DLG2: variants seen among roughly 807,000 people sequenced by gnomAD.
DLG2 encodes the protein discs large MAGUK scaffold protein 2, also known as disks large homolog 2.
A neutral mutation model predicts 132.5 loss-of-function variants in DLG2; 45 were observed. The ratio of observed to expected loss-of-function variants is 0.34; its 90% confidence interval spans 0.27 to 0.44. The LOEUF (loss-of-function observed/expected upper bound fraction) is 0.44. Ranked by LOEUF, DLG2 falls within the 20% of genes least tolerant of loss-of-function variation. The pLI, the probability that DLG2 is intolerant of heterozygous loss-of-function variation, is 1.00. For synonymous variants in DLG2, 424 were observed against 419.6 expected (o/e 1.01, Z -0.13); for missense variants, 1,045 against 1,196.9 (o/e 0.87, Z 1.87).
At chr11:84,431,079 T>C (rs1567615871) in intron 7 of DLG2, among the ~76,000 whole-genome samples, 2 of 152,348 alleles carry the variant, frequency 1.3e-5, no homozygotes, top group African/African-American at 4.8e-5. Context: ...TACTTATGCC[T>C]GAGATAAATT....
At chr11:84,659,996 G>A (rs1196493835) in intron 6 of DLG2, among the ~76,000 whole-genome samples, 1 of 152,128 alleles carries the variant, frequency 6.6e-6, no homozygotes. Flanking sequence ...TGGCATTGAT[G>A]TCTGACAACA....
intron 6 of DLG2, among the ~76,000 whole-genome samples, chr11:84,714,125 T>C (rs2060742795): frequency 6.6e-6 from 1 of 152,096 alleles, no homozygotes; most frequent in South Asian, 2.1e-4. Flanking sequence ...AGTTTGTTTT[T>C]TGAATTTCTG....
At chr11:84,768,049 A>C (rs2068688285) in intron 6 of DLG2, among the ~76,000 whole-genome samples, 1 of 152,190 alleles carries the variant, frequency 6.6e-6, no homozygotes, top group Admixed American at 6.6e-5. Context: ...ACATCTCAGC[A>C]ATGTTATGCT....
At chr11:84,137,456 G>T (rs367911649) in intron 9 of DLG2, among the ~76,000 whole-genome samples, 1 of 151,494 alleles carries the variant, frequency 6.6e-6, no homozygotes, top group Admixed American at 6.6e-5. Context: ...GTGTGTGTAT[G>T]TGTGTGCGTG....
intron 6 of DLG2, among the ~76,000 whole-genome samples, chr11:84,628,735 T>G (rs746912798): frequency 6.6e-6 from 1 of 152,122 alleles, no homozygotes; most frequent in Non-Finnish European, 1.5e-5. Flanking sequence ...ACTTGGTGGG[T>G]TGGAGACAAA....
At chr11:83,937,121 G>A (rs1343926318) in intron 14 of DLG2, among the ~76,000 whole-genome samples, 1 of 152,068 alleles carries the variant, frequency 6.6e-6, no homozygotes, top group African/African-American at 2.4e-5. Context: ...CAAAATGTCA[G>A]GTTAGTAGTT....
chr11:84,508,400 C>CTTT (rs371285075), intron 7 of DLG2, among the ~76,000 whole-genome samples: 14 of 141,092 alleles, frequency 9.9e-5, no homozygotes, highest in African/African-American at 2.9e-4. Context: ...CTTTCTTTAC[C>CTTT]TTTTTTTTTT....
At chr11:83,581,498 A>T (rs1054177559) in intron 19 of DLG2, among the ~76,000 whole-genome samples, 4 of 152,202 alleles carry the variant, frequency 2.6e-5, no homozygotes, top group Non-Finnish European at 5.9e-5. Context: ...CTCAAAAAAA[A>T]ATACATTCTT....
At chr11:84,441,458 C>A (rs72961662) in intron 7 of DLG2, among the ~76,000 whole-genome samples, 1 of 151,920 alleles carries the variant, frequency 6.6e-6, no homozygotes, top group Non-Finnish European at 1.5e-5. Flanking sequence ...ATATATAGTA[C>A]GTAGAATATT....
intron 7 of DLG2, among the ~76,000 whole-genome samples, chr11:84,304,277 C>G (rs760629684): frequency 6.6e-6 from 1 of 152,136 alleles, no homozygotes; most frequent in African/African-American, 2.4e-5. Flanking sequence ...TCTGGGAATA[C>G]GAGGAATCTC....
chr11:84,697,588 G>A (rs1348507189), intron 6 of DLG2, among the ~76,000 whole-genome samples: 4 of 151,394 alleles, frequency 2.6e-5, no homozygotes, highest in South Asian at 2.1e-4. Flanking sequence ...ACTGAGCCAC[G>A]AAGTGTACCA....
intron 7 of DLG2, among the ~76,000 whole-genome samples, chr11:84,261,473 T>C (rs781773849): frequency 6.6e-6 from 1 of 152,210 alleles, no homozygotes; most frequent in Non-Finnish European, 1.5e-5. Context: ...AATCTATACA[T>C]CCTATTCCCC....
intron 3 of DLG2, among the ~76,000 whole-genome samples, chr11:85,462,640 G>A (rs575520020): frequency 5.1e-4 from 78 of 152,042 alleles, no homozygotes; most frequent in East Asian, 1.6e-3. Flanking sequence ...ATCACACACC[G>A]GGGCCTGTTG....
intron 4 of DLG2, among the ~76,000 whole-genome samples, chr11:85,242,559 T>C (rs1026853746): frequency 2.6e-5 from 4 of 151,850 alleles, no homozygotes; most frequent in Admixed American, 6.6e-5. Context: ...TCTCTATCTC[T>C]TTTCTGCTTC....
chr11:84,498,995 T>C (rs569131401), intron 7 of DLG2, among the ~76,000 whole-genome samples: 45 of 152,330 alleles, frequency 3.0e-4, no homozygotes, highest in Non-Finnish European at 5.4e-4. Flanking sequence ...ACCTAGAACC[T>C]ACAGTTTATG....
In DLG2 at chr11:83,532,758, A is replaced by T. The variant is rs1485356954; in HGVS notation, c.2143T>A (p.Leu715Met). 2.5e-6 allele frequency: 4 copies of T among 1,612,896 alleles called. No individual in the cohort carries two copies. The South Asian group carries it at 4.4e-5, about 18-fold the overall frequency. ...RRVERKERARLKTVKFNAKPG... is the reference protein window; with the variant it reads ...RRVERKERARMKTVKFNAKPG... The stretch of plus-strand genomic sequence containing the variant: ...TTGGCATTAAACTTCACTGTCTTCA[A>T]TCGGGCACGTTCCTTTCTTTCCACC... Residue 715 changes from leucine (L) to methionine (M), a missense_variant, in exon 21 of 28, where the codon TTG (leucine) becomes ATG (methionine). This residue lies in a region of DLG2 where 398 missense variants were observed against 543.6 expected (regional missense o/e 0.73). Coordinates refer to ENST00000376104, the MANE Select transcript of DLG2 (RefSeq NM_001142699.3).
rs187492147 is a variant in DLG2, at chr11:83,608,341, G to A, written c.1940+24870C>T. 9.3e-5 allele frequency among the ~76,000 whole-genome samples: 14 copies of A among 150,944 alleles called. No individual in the cohort carries two copies. In the Admixed American group the frequency reaches 9.3e-4, roughly 10 times the overall value. On this transcript the variant is annotated intron_variant, in intron 19 of 27. Transcript: ENST00000376104. ...ATCTGAAATGCTTGGGGCCAGTAATGTTTTAGATTTCAATTTTTTTTTTTT... is the reference window on the plus strand; with the variant it reads ...ATCTGAAATGCTTGGGGCCAGTAATATTTTAGATTTCAATTTTTTTTTTTT...
intron 3 of DLG2, among the ~76,000 whole-genome samples, chr11:85,532,553 G>A (rs1484712419): frequency 6.6e-6 from 1 of 152,134 alleles, no homozygotes; most frequent in Non-Finnish European, 1.5e-5. Context: ...GAGTATCACA[G>A]AGCACACCAA....
intron 11 of DLG2, among the ~76,000 whole-genome samples, chr11:84,051,374 C>G (rs36165842): frequency 0.022 from 3,389 of 151,870 alleles, 66 homozygotes; most frequent in Non-Finnish European, 0.033. Flanking sequence ...GGAACCAACC[C>G]AAATGTCCAA....
Sources: allele counts gnomAD v4.1 joint callset (sites outside exome capture counted in the v4.1 genomes callset), GRCh38; gene constraint gnomAD v4.1.1; regional missense constraint gnomAD v4.1.1; transcripts MANE v1.5; gene names NCBI Gene and HGNC (gene_info 2026-07-23, HGNC 2026-07-21).